FTCDNL1: variants seen among roughly 807,000 people sequenced by gnomAD.
FTCDNL1 encodes the protein formiminotransferase N-terminal subdomain-containing protein.
A neutral mutation model predicts 5.9 loss-of-function variants in FTCDNL1; 11 were observed. The ratio of observed to expected loss-of-function variants is 1.87; its 90% CI spans 1.18 to 3.10. The LOEUF (loss-of-function observed/expected upper bound fraction) is 3.10. FTCDNL1 is among the 30% of genes most tolerant of loss of function. FTCDNL1 has a pLI of 0.00. For missense variants in FTCDNL1, 115 were observed against 65.5 expected, an observed-to-expected ratio of 1.76 and a Z score of -2.61; for synonymous variants, 58 against 24.8, an observed-to-expected ratio of 2.34 and a Z score of -3.99.
chr2:199,754,320 C>T, the FTCDNL1 span, among the ~76,000 whole-genome samples: 1 of 152,122 alleles, frequency 6.6e-6, no homozygotes, highest in Admixed American at 6.5e-5. Flanking sequence ...AGATCATGCC[C>T]CAGAGGGAAG....
downstream of FTCDNL1, among the ~76,000 whole-genome samples, chr2:199,756,632 C>G (rs565463523): frequency 2.7e-4 from 41 of 152,322 alleles, no homozygotes; most frequent in African/African-American, 8.7e-4. Flanking sequence ...ACTATGTAGT[C>G]TCAATATGTT....
At chr2:199,848,738 T>C in intron 2 of FTCDNL1, 110 bp downstream of exon 2, 1 of 576,164 alleles carries the variant, frequency 1.7e-6, no homozygotes. Context: ...AGGAGGAAAA[T>C]TCAGGAAGAA....
At chr2:199,718,910 T>G in the FTCDNL1 span, among the ~76,000 whole-genome samples, 8 of 152,262 alleles carry the variant, frequency 5.3e-5, no homozygotes, top group African/African-American at 9.6e-5. Flanking sequence ...TTTCTTCTTC[T>G]TGAGTTGTTT....
At chr2:199,723,582 T>G in the FTCDNL1 span, among the ~76,000 whole-genome samples, 1 of 152,188 alleles carries the variant, frequency 6.6e-6, no homozygotes, top group African/African-American at 2.4e-5. Flanking sequence ...TATTGAGAGT[T>G]TTTAACATGA....
At chr2:199,740,131 T>C in the FTCDNL1 span, among the ~76,000 whole-genome samples, 1 of 152,230 alleles carries the variant, frequency 6.6e-6, no homozygotes, top group Non-Finnish European at 1.5e-5. Flanking sequence ...AGAAGAATTA[T>C]AACTGCAAAG....
the FTCDNL1 span, among the ~76,000 whole-genome samples, chr2:199,695,009 A>G: frequency 1.5e-3 from 234 of 152,318 alleles, no homozygotes; most frequent in African/African-American, 5.3e-3. Flanking sequence ...TGCTTGGATT[A>G]GTGACTACCC....
intron 4 of FTCDNL1, among the ~76,000 whole-genome samples, chr2:199,817,115 T>G (rs1182545053): frequency 6.6e-6 from 1 of 152,224 alleles, no homozygotes; most frequent in African/African-American, 2.4e-5. Context: ...CATACCCAAA[T>G]AGCAAACATT....
the FTCDNL1 span, among the ~76,000 whole-genome samples, chr2:199,689,023 T>C: frequency 7.9e-5 from 12 of 152,234 alleles, no homozygotes; most frequent in African/African-American, 2.9e-4. Context: ...CACAATGATG[T>C]TTAATGGAGC....
intron 3 of FTCDNL1, among the ~76,000 whole-genome samples, chr2:199,823,724 G>C (rs1380676471): frequency 6.6e-6 from 1 of 152,174 alleles, no homozygotes; most frequent in African/African-American, 2.4e-5. Context: ...AGGCTTTGTT[G>C]TTGCATTTAT....
the FTCDNL1 span, among the ~76,000 whole-genome samples, chr2:199,694,809 G>A: frequency 1.3e-5 from 2 of 152,130 alleles, no homozygotes; most frequent in African/African-American, 2.4e-5. Flanking sequence ...ACTCCAGCCT[G>A]GGTGACAGAG....
At chr2:199,801,901 G>T (rs1219723884) in intron 3 of FTCDNL1, among the ~76,000 whole-genome samples, 1 of 150,040 alleles carries the variant, frequency 6.7e-6, no homozygotes, top group African/African-American at 2.5e-5. Flanking sequence ...TCGCGCCACT[G>T]CACTCCAGCC....
At chr2:199,740,068 G>C in the FTCDNL1 span, among the ~76,000 whole-genome samples, 1 of 152,166 alleles carries the variant, frequency 6.6e-6, no homozygotes, top group Non-Finnish European at 1.5e-5. Context: ...ACTGTTTAAA[G>C]GGGAAATTAA....
chr2:199,766,593 T>C (rs1395592606), intron 3 of FTCDNL1, among the ~76,000 whole-genome samples: 1 of 152,234 alleles, frequency 6.6e-6, no homozygotes, highest in Non-Finnish European at 1.5e-5. Context: ...ATTGTGGCTT[T>C]AATATAGAAT....
chr2:199,742,139 A>C, the FTCDNL1 span, among the ~76,000 whole-genome samples: 1 of 151,842 alleles, frequency 6.6e-6, no homozygotes, highest in South Asian at 2.1e-4. Context: ...TTCTGCCTAG[A>C]GCATCCTGGG....
intron 3 of FTCDNL1, among the ~76,000 whole-genome samples, chr2:199,784,596 G>T (rs1410509281): frequency 6.6e-6 from 1 of 152,166 alleles, no homozygotes; most frequent in Non-Finnish European, 1.5e-5. Flanking sequence ...AGAACTTTCA[G>T]TGCCATGTAT....
the FTCDNL1 span, among the ~76,000 whole-genome samples, chr2:199,744,243 T>G: frequency 6.6e-6 from 1 of 152,176 alleles, no homozygotes; most frequent in African/African-American, 2.4e-5. Flanking sequence ...CTGAATTGTG[T>G]CTCTGTCAAA....
At chr2:199,832,897 A>G (rs1023871088) in intron 3 of FTCDNL1, among the ~76,000 whole-genome samples, 3 of 152,158 alleles carry the variant, frequency 2.0e-5, no homozygotes, top group Admixed American at 1.3e-4. Context: ...AGAAGAGACT[A>G]AAAAATTTTC....
intron 3 of FTCDNL1, among the ~76,000 whole-genome samples, chr2:199,792,893 C>G (rs1396934952): frequency 6.6e-6 from 1 of 152,036 alleles, no homozygotes; most frequent in African/African-American, 2.4e-5. Flanking sequence ...ATTTAACCAT[C>G]AATACTGGTT....
At chr2:199,719,661 G>T in the FTCDNL1 span, among the ~76,000 whole-genome samples, 6 of 151,944 alleles carry the variant, frequency 3.9e-5, no homozygotes, top group African/African-American at 1.4e-4. Flanking sequence ...TTTAGACAGG[G>T]TCTTACTCTG....
Sources: allele counts gnomAD v4.1 joint callset (sites outside exome capture counted in the v4.1 genomes callset), GRCh38; gene constraint gnomAD v4.1.1; transcripts MANE v1.5; gene names NCBI Gene and HGNC (gene_info 2026-07-23, HGNC 2026-07-21).